The following CDC23 variants were observed in gnomAD, a reference collection of about 807,000 sequenced individuals.
CDC23 encodes cell division cycle 23, also known as cell division cycle protein 23 homolog.
Under a neutral mutation model 81.7 loss-of-function variants are expected in CDC23, and 26 were observed. The observed-to-expected ratio is 0.32, with a 90% confidence interval of 0.23 to 0.44. CDC23 has a LOEUF of 0.44. CDC23 is among the 20% of genes least tolerant of loss of function. The pLI, the probability that CDC23 is intolerant of heterozygous loss-of-function variation, is 1.00. For synonymous variants in CDC23, 267 were observed against 270.8 expected (o/e 0.99, Z 0.14); for missense variants, 519 against 728.0 (o/e 0.71, Z 3.30).
Position 138,198,648 on chromosome 5 carries a change from C to T in CDC23, c.789G>A (p.Ser263=), listed in dbSNP as rs1297881266. ...NLIDVGFSKS[S]YIVSQIAVAY... Reference sequence around the variant, plus strand: ...CAACTGCAATTTGGGAAACAATATACGAGCTCTTAGAGAAGCCCACATCAA... The same window carrying T: ...CAACTGCAATTTGGGAAACAATATATGAGCTCTTAGAGAAGCCCACATCAA... Residue 263 remains serine (S), a synonymous_variant, in exon 7 of 16, where the codon TCG becomes TCA. Transcript: ENST00000394886. 5.6e-6 allele frequency: 9 copies of T among 1,614,110 alleles called. No homozygotes were observed. The highest frequency in any genetic ancestry group is 2.2e-5 in the South Asian group (2 of 91,082).
chr5:138,196,366 C>CTG (rs1417542197), intron 9 of CDC23, among the ~76,000 whole-genome samples: 1 of 151,468 alleles, frequency 6.6e-6, no homozygotes, highest in Non-Finnish European at 1.5e-5. Context: ...TCTTGGCTCA[C>CTG]TGCAACCTCG....
At chr5:138,197,965 T>G (rs1754936099) in intron 9 of CDC23, among the ~76,000 whole-genome samples, 1 of 152,142 alleles carries the variant, frequency 6.6e-6, no homozygotes, top group Admixed American at 6.5e-5. Context: ...TTTGTTTGTT[T>G]GTTTGTTTAA....
At chr5:138,196,890 CTTTTTTTTTTTT>C (rs34002952) in intron 9 of CDC23, among the ~76,000 whole-genome samples, 1 of 113,426 alleles carries the variant, frequency 8.8e-6, no homozygotes, top group South Asian at 3.0e-4. Flanking sequence ...TTTTTTTTTC[CTTTTTTTTTTTT>C]TTTTTTTTTT....
chr5:138,205,651 A>T (rs1755039275), intron 3 of CDC23, among the ~76,000 whole-genome samples: 1 of 151,952 alleles, frequency 6.6e-6, no homozygotes, highest in African/African-American at 2.4e-5. Context: ...AATGCATTTA[A>T]TACCACTGAA....
intron 2 of CDC23, among the ~76,000 whole-genome samples, chr5:138,211,918 C>T (rs1489934256): frequency 6.6e-6 from 1 of 152,178 alleles, no homozygotes; most frequent in Non-Finnish European, 1.5e-5. Flanking sequence ...ACTGCATTGA[C>T]TCAAAAAATT....
chr5:138,212,173 T>C (rs998153882), intron 2 of CDC23, among the ~76,000 whole-genome samples: 7 of 152,114 alleles, frequency 4.6e-5, no homozygotes, highest in African/African-American at 1.2e-4. Context: ...ACTATTACTA[T>C]CGTCACTGCA....
chr5:138,212,542 T>G (rs200548836), intron 2 of CDC23, among the ~76,000 whole-genome samples: 1 of 79,206 alleles, frequency 1.3e-5, no homozygotes, highest in East Asian at 5.1e-4. Flanking sequence ...GGTCTCGAAC[T>G]CCTAACCTCG....
intron 9 of CDC23, among the ~76,000 whole-genome samples, chr5:138,197,289 G>T (rs1754924261): frequency 7.7e-6 from 1 of 129,604 alleles, no homozygotes; most frequent in South Asian, 2.6e-4. Flanking sequence ...GGACGACAGA[G>T]CGAGACTCTG....
chr5:138,191,561 T>C, intron 12 of CDC23, 26 bp from the exon 13 acceptor site: 9 of 1,601,990 alleles, frequency 5.6e-6, no homozygotes, highest in Non-Finnish European at 7.7e-6. Context: ...ACTGGTCATT[T>C]TGACCATTGT....
At chr5:138,207,814 G>C (rs1246712240) in intron 2 of CDC23, among the ~76,000 whole-genome samples, 1 of 151,942 alleles carries the variant, frequency 6.6e-6, no homozygotes, top group Non-Finnish European at 1.5e-5. Flanking sequence ...AAAAATAGTT[G>C]GGCATGGTAC....
intron 4 of CDC23, 67 bp downstream of exon 4, chr5:138,202,046 C>T: frequency 9.2e-7 from 1 of 1,088,070 alleles, no homozygotes; most frequent in South Asian, 1.3e-5. Flanking sequence ...ACCTGCCTGG[C>T]TGTTGGAGGC....
Position 138,192,496 on chromosome 5 carries a change from A to G in CDC23, c.1166+8T>C. On this transcript the variant is annotated splice_region_variant and intron_variant, in intron 10 of 15. Coordinates refer to ENST00000394886, the MANE Select transcript of CDC23 (RefSeq NM_004661.4). ...ATCTGCTCTACCTCACCACCTATAG[A>G]TAATCACCTATAAGCCTGGATAGCA... is the stretch of plus-strand genomic sequence containing the variant. The G allele has an allele frequency of 6.2e-7, 1 of 1,613,804 alleles. No homozygotes were observed. Among genetic ancestry groups the G allele is most frequent in the Non-Finnish European group, 8.5e-7 (1 of 1,179,844 alleles).
intron 12 of CDC23, among the ~76,000 whole-genome samples, 158 bp downstream of exon 12, chr5:138,191,704 C>A (rs969928871): frequency 6.6e-6 from 1 of 152,150 alleles, no homozygotes; most frequent in Admixed American, 6.5e-5. Flanking sequence ...CCACTGATGA[C>A]CTTGGCCCAG....
At chr5:138,193,738 C>A (rs967060911) in intron 9 of CDC23, among the ~76,000 whole-genome samples, 1 of 151,920 alleles carries the variant, frequency 6.6e-6, no homozygotes, top group African/African-American at 2.4e-5. Context: ...GCGGGCGGAT[C>A]ACCTGAGGTC....
chr5:138,202,141 CT>C lies in CDC23; in HGVS notation c.386del (p.Lys129ArgfsTer10), dbSNP rs1561636253. On this transcript the variant is annotated frameshift_variant, in exon 4 of 16. Coordinates refer to ENST00000394886, the MANE Select transcript of CDC23 (RefSeq NM_004661.4). LOFTEE classifies it high-confidence loss of function. ...MYSRYLSGEK[K>X]KDDETVDSLG... The stretch of plus-strand genomic sequence containing the variant: ...AGCTATCAACTGTTTCATCGTCCTT[CT>C]TTTTTTCTCCAGACTGTAAGAGAAA... 1 of 1,611,170 alleles carries C rather than the reference CT, an allele frequency of 6.2e-7. No homozygotes were observed. The highest frequency in any genetic ancestry group is 1.7e-5 in the Admixed American group (1 of 59,642).
intron 9 of CDC23, among the ~76,000 whole-genome samples, chr5:138,193,278 T>C (rs1437418915): frequency 6.6e-6 from 1 of 152,168 alleles, no homozygotes; most frequent in Non-Finnish European, 1.5e-5. Flanking sequence ...TTTCAAACTA[T>C]ATTCCTTGGA....
At chr5:138,197,283 G>A (rs1403184980) in intron 9 of CDC23, among the ~76,000 whole-genome samples, 6 of 121,184 alleles carry the variant, frequency 5.0e-5, no homozygotes, top group Admixed American at 1.1e-4. Flanking sequence ...CAGCCTGGAC[G>A]ACAGAGCGAG....
chr5:138,198,232 C>A lies in CDC23; in HGVS notation c.979G>T (p.Asp327Tyr). 1 of 1,613,620 alleles carries A rather than the reference C, an allele frequency of 6.2e-7. No individual in the cohort carries two copies. Among genetic ancestry groups the A allele is most frequent in the South Asian group, 1.1e-5 (1 of 91,054 alleles). ...CAGCACGTTTCTACACGATATTTATCAATCTCACAGAGGTTATGAGCCAGA... is the reference window on the plus strand; with the variant it reads ...CAGCACGTTTCTACACGATATTTATAAATCTCACAGAGGTTATGAGCCAGA... ...SYLAHNLCEI[D>Y]KYRVETCCVI... Residue 327 changes from aspartate to tyrosine, a missense_variant, in exon 9 of 16, where the codon GAT becomes TAT. By Grantham distance (160) the Asp-to-Tyr change is radical. Coordinates refer to ENST00000394886, the MANE Select transcript of CDC23 (RefSeq NM_004661.4).
At chr5:138,212,852 T>C in intron 2 of CDC23, 139 bp downstream of exon 2, 1 of 662,538 alleles carries the variant, frequency 1.5e-6, no homozygotes, top group Non-Finnish European at 2.7e-6. Flanking sequence ...TTTAAAACAC[T>C]CAGCTCTTTG....
Sources: gnomAD v4.1 joint callset for allele counts (sites outside exome capture counted in the v4.1 genomes callset) on GRCh38, gnomAD v4.1.1 for gene constraint, MANE v1.5 for transcripts, NCBI Gene and HGNC (gene_info 2026-07-23, HGNC 2026-07-21) for gene names.